MAPK10: variants seen among roughly 807,000 people sequenced by gnomAD.
The protein encoded by MAPK10 is mitogen-activated protein kinase 10.
Under a neutral mutation model 59.3 loss-of-function variants are expected in MAPK10, and 25 were observed. That is an observed-to-expected ratio of 0.42 (90% CI 0.31 to 0.59). The LOEUF is 0.59. Among genes scored for constraint, MAPK10 ranks in the 20% least tolerant of loss-of-function variants. The pLI is 0.15. For missense variants in MAPK10, 351 were observed against 568.9 expected (o/e 0.62, Z 3.90); for synonymous variants, 190 against 200.5 (o/e 0.95, Z 0.44).
intron 1 of MAPK10, among the ~76,000 whole-genome samples, chr4:86,585,568 A>G (rs1762600718): frequency 6.6e-6 from 1 of 152,226 alleles, no homozygotes; most frequent in Non-Finnish European, 1.5e-5. Flanking sequence ...TTTTTAGTGA[A>G]AATATAATGC....
intron 1 of MAPK10, among the ~76,000 whole-genome samples, chr4:86,498,298 C>T (rs865856585): frequency 1.3e-5 from 2 of 152,204 alleles, no homozygotes; most frequent in Admixed American, 6.5e-5. Context: ...CCTAGGAAAC[C>T]TACTGTTACC....
rs180721542 is a variant in MAPK10 at position 86,153,040 on chromosome 4, C to A, written c.236+6258G>T. On this transcript the variant is annotated intron_variant, in intron 4 of 13. Transcript: ENST00000641462. ...AACATAACCATGGATACATTTTAAT[C>A]CTAACAATCAGGATTAATCTGAAAA... Among the ~76,000 whole-genome samples, 4 of 152,140 alleles carry A rather than the reference C, an allele frequency of 2.6e-5. No homozygotes were observed. The East Asian group carries it at 7.7e-4, about 29-fold the overall frequency.
chr4:86,409,785 C>T (rs945150828), intron 1 of MAPK10, among the ~76,000 whole-genome samples: 2 of 152,112 alleles, frequency 1.3e-5, no homozygotes, highest in Non-Finnish European at 2.9e-5. Context: ...TGCTTATCAG[C>T]TTAAGGAGAT....
At chr4:86,432,843 T>A (rs764422817) in intron 1 of MAPK10, among the ~76,000 whole-genome samples, 6 of 152,050 alleles carry the variant, frequency 3.9e-5, no homozygotes, top group Non-Finnish European at 7.3e-5. Flanking sequence ...CTCACAGGGA[T>A]CAATGGAGAT....
rs759658360 is a variant in MAPK10 at position 86,159,403 on chromosome 4, A to G, written c.131T>C (p.Val44Ala). ...AKHYNMSKSKVDNQFYSVEVG... is the reference protein window; with the variant it reads ...AKHYNMSKSKADNQFYSVEVG... The stretch of plus-strand genomic sequence containing the variant: ...TTCCACACTGTAGAACTGGTTGTCA[A>G]CTTTGCTTTTGCTCATGTTGTAATG... Residue 44 changes from valine (V) to alanine (A), a missense_variant, in exon 4 of 14, where the codon GTT becomes GCT. Around this residue, in one of 5 missense-constraint regions of MAPK10, gnomAD observed 61 missense variants for 58.4 expected, o/e 1.05. Transcript: ENST00000641462. 7 of 1,612,614 alleles carry G rather than the reference A, an allele frequency of 4.3e-6. No individual in the cohort carries two copies. Among genetic ancestry groups the G allele is most frequent in the South Asian group, 2.2e-5 (2 of 91,004 alleles).
chr4:86,457,493 T>C (rs1194877595), upstream of MAPK10, among the ~76,000 whole-genome samples: 2 of 152,170 alleles, frequency 1.3e-5, no homozygotes, highest in African/African-American at 4.8e-5. Flanking sequence ...CACAAATCAA[T>C]AGCTCTTCTA....
chr4:86,241,670 A>G (rs922631288), intron 2 of MAPK10, among the ~76,000 whole-genome samples: 9 of 151,054 alleles, frequency 6.0e-5, no homozygotes, highest in African/African-American at 1.5e-4. Flanking sequence ...GTGTTTTTCA[A>G]CTCCATCTGG....
At chr4:86,373,613 T>C (rs1468655600) in intron 1 of MAPK10, among the ~76,000 whole-genome samples, 1 of 152,166 alleles carries the variant, frequency 6.6e-6, no homozygotes, top group Non-Finnish European at 1.5e-5. Flanking sequence ...CAGATACTTC[T>C]CAAAAGAAGA....
intron 13 of MAPK10, chr4:86,020,988 T>C (rs1219914238): frequency 6.6e-6 from 1 of 152,228 alleles, no homozygotes; most frequent in African/African-American, 2.4e-5. Context: ...TGCTGATTGG[T>C]AGAGCCGAGT....
chr4:86,589,742 A>C (rs1762891943), intron 1 of MAPK10, among the ~76,000 whole-genome samples: 1 of 152,048 alleles, frequency 6.6e-6, no homozygotes, highest in Admixed American at 6.6e-5. Context: ...TCTAGAAGCT[A>C]AACCTACAGA....
At chr4:86,404,727 C>T (rs1012016625) in intron 1 of MAPK10, among the ~76,000 whole-genome samples, 2 of 152,096 alleles carry the variant, frequency 1.3e-5, no homozygotes, top group Non-Finnish European at 2.9e-5. Flanking sequence ...TGTCTCACAG[C>T]ATTAAAAGAA....
rs199843567 is a variant in MAPK10 at position 86,370,381 on chromosome 4, T to TA, written c.-121-15738dup. On this transcript the variant is annotated intron_variant, in intron 1 of 13. Transcript: ENST00000361569. Reference sequence around the variant, plus strand: ...TTTCACAAGAAATAGATAACAAATTTAAAAAAAAAATAATTGAGCAAAAAT... The same window carrying TA: ...TTTCACAAGAAATAGATAACAAATTTAAAAAAAAAAATAATTGAGCAAAAAT... Among the ~76,000 whole-genome samples, 264 of 150,074 alleles carry TA rather than the reference T, an allele frequency of 1.8e-3. 1 individual carries two copies. The highest frequency in any genetic ancestry group is 6.6e-3 in the Admixed American group (100 of 15,064).
At chr4:86,180,723 T>C (rs1164902275) in intron 3 of MAPK10, among the ~76,000 whole-genome samples, 3 of 151,840 alleles carry the variant, frequency 2.0e-5, no homozygotes, top group African/African-American at 7.3e-5. Context: ...CTGGAAGACA[T>C]TATGTTAAGT....
intron 1 of MAPK10, among the ~76,000 whole-genome samples, chr4:86,403,775 A>G (rs1370407760): frequency 6.6e-6 from 1 of 152,164 alleles, no homozygotes; most frequent in Non-Finnish European, 1.5e-5. Flanking sequence ...AGCATGGGGA[A>G]AACTGCCCCC....
intron 1 of MAPK10, among the ~76,000 whole-genome samples, chr4:86,374,235 T>C (rs1240581436): frequency 6.6e-6 from 1 of 151,594 alleles, no homozygotes; most frequent in African/African-American, 2.4e-5. Context: ...GGGAGGAGAA[T>C]ATCACACACC....
chr4:86,367,346 T>C (rs1447457628), intron 1 of MAPK10, among the ~76,000 whole-genome samples: 1 of 152,190 alleles, frequency 6.6e-6, no homozygotes, highest in African/African-American at 2.4e-5. Context: ...GAGTCAGTCA[T>C]GTATCTTTCA....
intron 1 of MAPK10, among the ~76,000 whole-genome samples, chr4:86,568,869 T>C (rs1402115285): frequency 6.6e-6 from 1 of 152,100 alleles, no homozygotes; most frequent in Non-Finnish European, 1.5e-5. Context: ...ATAGCTCTTC[T>C]GGACATTGGT....
At chr4:86,476,566 C>T (rs1035783061) in intron 1 of MAPK10, among the ~76,000 whole-genome samples, 6 of 152,194 alleles carry the variant, frequency 3.9e-5, no homozygotes, top group African/African-American at 7.2e-5. Flanking sequence ...GTCAGAAGGC[C>T]GTCTTATTCT....
chr4:86,123,127 G>A (rs1403330078), intron 4 of MAPK10, among the ~76,000 whole-genome samples: 4 of 151,856 alleles, frequency 2.6e-5, no homozygotes, highest in South Asian at 2.1e-4. Context: ...AAGCCCCCTC[G>A]TATAACTGAG....
Sources: allele counts gnomAD v4.1 joint callset (sites outside exome capture counted in the v4.1 genomes callset), GRCh38; gene constraint gnomAD v4.1.1; regional missense constraint gnomAD v4.1.1; transcripts MANE v1.5; gene names NCBI Gene and HGNC (gene_info 2026-07-23, HGNC 2026-07-21).